The following SEMA3E variants were observed in gnomAD, a reference collection of about 807,000 sequenced individuals.
SEMA3E encodes the protein semaphorin-3E.
SEMA3E carries 49 observed loss-of-function variants against 93.6 expected under a neutral mutation model. The observed-to-expected ratio is 0.52, with a 90% CI of 0.42 to 0.66. SEMA3E has a LOEUF of 0.66. Among genes scored for constraint, SEMA3E ranks in the 30% least tolerant of loss-of-function variants. SEMA3E has a pLI of 0.00. For synonymous variants in SEMA3E, 363 were observed against 330.7 expected (o/e 1.10, Z -1.06); for missense variants, 906 against 964.8 (o/e 0.94, Z 0.81).
chr7:83,403,837 G>A (rs960975409), intron 9 of SEMA3E, among the ~76,000 whole-genome samples: 1 of 151,850 alleles, frequency 6.6e-6, no homozygotes, highest in African/African-American at 2.4e-5. Context: ...GTGGTAGCAC[G>A]CCTTTGATCA....
At chr7:83,387,192 T>C in intron 14 of SEMA3E, 142 bp from the exon 15 acceptor site, 1 of 700,310 alleles carries the variant, frequency 1.4e-6, no homozygotes, top group Admixed American at 2.3e-5. Flanking sequence ...AAAATCCAAG[T>C]TTCATAGTTT....
chr7:83,507,788 T>A (rs1426348930), intron 1 of SEMA3E, among the ~76,000 whole-genome samples: 5 of 150,760 alleles, frequency 3.3e-5, no homozygotes, highest in East Asian at 2.0e-4. Flanking sequence ...CCAAAAAAAA[T>A]AAAAAATAAA....
intron 1 of SEMA3E, among the ~76,000 whole-genome samples, chr7:83,524,833 C>A (rs549386163): frequency 1.3e-5 from 2 of 152,010 alleles, no homozygotes; most frequent in African/African-American, 2.4e-5. Flanking sequence ...AGTTTCATCA[C>A]CTTAAAGAAA....
intron 1 of SEMA3E, among the ~76,000 whole-genome samples, chr7:83,619,900 TAGAC>T (rs1224607258): frequency 9.6e-4 from 113 of 117,812 alleles, no homozygotes; most frequent in African/African-American, 3.2e-3. Context: ...GATAGATAGA[TAGAC>T]AGATAGATAG....
At chr7:83,594,753 A>C (rs142738691) in intron 1 of SEMA3E, among the ~76,000 whole-genome samples, 1 of 152,164 alleles carries the variant, frequency 6.6e-6, no homozygotes, top group South Asian at 2.1e-4. Flanking sequence ...CCATCTCCAC[A>C]TAGCTCAGCA....
chr7:83,439,455 C>T (rs1207797998), intron 4 of SEMA3E, among the ~76,000 whole-genome samples: 1 of 152,208 alleles, frequency 6.6e-6, no homozygotes, highest in Non-Finnish European at 1.5e-5. Context: ...CTTTCATGAT[C>T]ATCAGAGGAG....
chr7:83,574,479 A>G (rs865840348), intron 1 of SEMA3E, among the ~76,000 whole-genome samples: 4 of 149,188 alleles, frequency 2.7e-5, no homozygotes, highest in African/African-American at 9.9e-5. Context: ...AAAGAGAGAG[A>G]GAGACTAAGG....
chr7:83,581,320 T>C (rs1345982190), intron 1 of SEMA3E, among the ~76,000 whole-genome samples: 1 of 152,030 alleles, frequency 6.6e-6, no homozygotes, highest in African/African-American at 2.4e-5. Flanking sequence ...AGCAGATCGC[T>C]GCACTGCCCA....
chr7:83,488,620 T>C (rs1790316781), intron 2 of SEMA3E, among the ~76,000 whole-genome samples: 1 of 152,174 alleles, frequency 6.6e-6, no homozygotes, highest in Non-Finnish European at 1.5e-5. Flanking sequence ...GACTCAACAC[T>C]GGACTCTGTA....
chr7:83,591,407 T>C (rs1389673604), intron 1 of SEMA3E, among the ~76,000 whole-genome samples: 1 of 151,622 alleles, frequency 6.6e-6, no homozygotes, highest in African/African-American at 2.4e-5. Context: ...AACTCCAAGT[T>C]TGAATAAAAG....
At position 83,639,121 on chromosome 7, in the gene SEMA3E, AAAAAAAAAAAAAAAAAAAAC is replaced by A. The variant is rs1748450114; in HGVS notation, c.115+9287_115+9306del. 1.0e-4 allele frequency among the ~76,000 whole-genome samples: 14 copies of A among 134,218 alleles called. 2 individuals are homozygous for A. The South Asian group carries it at 1.6e-3, about 15-fold the overall frequency. 88.1% of individuals were successfully genotyped at this position (134,218 alleles called of 152,430 possible). ...GCGAGACTCCGTCTCAAAAAAAAAA[AAAAAAAAAAAAAAAAAAAAC>A]AGAGATTCCTGAGCCTCAGAATTAT... On this transcript the variant is annotated intron_variant, in intron 1 of 16. Transcript: ENST00000643230.
At chr7:83,634,041 C>A (rs1299179156) in intron 1 of SEMA3E, among the ~76,000 whole-genome samples, 1 of 152,194 alleles carries the variant, frequency 6.6e-6, no homozygotes, top group Admixed American at 6.5e-5. Context: ...AAATGAAGCA[C>A]TACCAACTCT....
At chr7:83,499,371 C>T (rs1790552008) in intron 1 of SEMA3E, among the ~76,000 whole-genome samples, 1 of 152,116 alleles carries the variant, frequency 6.6e-6, no homozygotes, top group Non-Finnish European at 1.5e-5. Context: ...TCCCCATAAC[C>T]TCATAAACCA....
intron 1 of SEMA3E, among the ~76,000 whole-genome samples, chr7:83,590,210 A>G (rs888529159): frequency 6.6e-6 from 1 of 152,092 alleles, no homozygotes; most frequent in Admixed American, 6.6e-5. Context: ...CATAGTCCCT[A>G]TTCTGTTTTC....
chr7:83,635,031 A>T (rs1170886011), intron 1 of SEMA3E, among the ~76,000 whole-genome samples: 1 of 152,040 alleles, frequency 6.6e-6, no homozygotes, highest in Non-Finnish European at 1.5e-5. Context: ...CAGACCTTAA[A>T]CTGATGGCAA....
intron 1 of SEMA3E, among the ~76,000 whole-genome samples, chr7:83,492,942 G>T (rs1434955382): frequency 6.6e-6 from 1 of 151,880 alleles, no homozygotes; most frequent in Non-Finnish European, 1.5e-5. Flanking sequence ...ATAACCAAAG[G>T]TCTTTGTAGA....
chr7:83,505,908 G>A (rs1392719373), intron 1 of SEMA3E, among the ~76,000 whole-genome samples: 3 of 150,958 alleles, frequency 2.0e-5, no homozygotes, highest in African/African-American at 4.9e-5. Flanking sequence ...CCAGCTACTC[G>A]GGAGGCTGAG....
chr7:83,431,794 G>T (rs1788888961), intron 4 of SEMA3E, among the ~76,000 whole-genome samples: 1 of 152,168 alleles, frequency 6.6e-6, no homozygotes, highest in Non-Finnish European at 1.5e-5. Context: ...GACCATATAG[G>T]TGGCAAATTT....
At chr7:83,568,157 C>A (rs1792202684) in intron 1 of SEMA3E, among the ~76,000 whole-genome samples, 1 of 152,006 alleles carries the variant, frequency 6.6e-6, no homozygotes, top group African/African-American at 2.4e-5. Context: ...TGGATACATA[C>A]AATCTACCAA....
Sources: gnomAD v4.1 joint callset for allele counts (sites outside exome capture counted in the v4.1 genomes callset) on GRCh38, gnomAD v4.1.1 for gene constraint, MANE v1.5 for transcripts, NCBI Gene and HGNC (gene_info 2026-07-23, HGNC 2026-07-21) for gene names.